PPP1R1C: variants seen among roughly 807,000 people sequenced by gnomAD.
The protein encoded by PPP1R1C is protein phosphatase 1 regulatory inhibitor subunit 1C.
A neutral mutation model predicts 17.4 loss-of-function variants in PPP1R1C; 15 were observed. The observed-to-expected ratio is 0.86, with a 90% CI of 0.58 to 1.33. PPP1R1C has a LOEUF of 1.33. Among genes scored for constraint, PPP1R1C ranks in the 40% most tolerant of loss-of-function variants. The pLI is 0.00. For synonymous variants in PPP1R1C, 35 were observed against 43.1 expected, an observed-to-expected ratio of 0.81 and a Z score of 0.73; for missense variants, 143 against 130.0, an observed-to-expected ratio of 1.10 and a Z score of -0.48.
chr2:182,018,797 C>T (rs775972362), intron 2 of PPP1R1C, among the ~76,000 whole-genome samples: 3 of 151,814 alleles, frequency 2.0e-5, no homozygotes, highest in Admixed American at 6.6e-5. Context: ...GGAAAGCAAT[C>T]GATTGAAAAA....
At position 182,082,395 on chromosome 2, in the gene PPP1R1C, G is replaced by A. The variant is rs568462655; in HGVS notation, c.241+18604G>A. 2.6e-5 allele frequency among the ~76,000 whole-genome samples: 4 copies of A among 152,210 alleles called. No homozygotes were observed. The East Asian group carries it at 7.7e-4, about 29-fold the overall frequency. ...TTTCAAATTATGTTTGACAAACATG[G>A]GACATCGTCTCTAAAGCATGTGTGC... On this transcript the variant is annotated intron_variant, in intron 4 of 4. Transcript: ENST00000682840.
At chr2:182,100,009 C>T (rs780519756) in intron 4 of PPP1R1C, among the ~76,000 whole-genome samples, 25 of 152,270 alleles carry the variant, frequency 1.6e-4, no homozygotes, top group South Asian at 6.2e-4. Flanking sequence ...CCCAAACTTT[C>T]TCTATTACCT....
intron 2 of PPP1R1C, among the ~76,000 whole-genome samples, chr2:181,998,836 C>A (rs1363862751): frequency 6.6e-6 from 1 of 152,180 alleles, no homozygotes; most frequent in Non-Finnish European, 1.5e-5. Flanking sequence ...GAATTTTAAG[C>A]ACTTCTCACC....
intron 2 of PPP1R1C, among the ~76,000 whole-genome samples, chr2:182,056,941 G>A (rs1183063327): frequency 6.6e-6 from 1 of 152,076 alleles, no homozygotes; most frequent in Non-Finnish European, 1.5e-5. Context: ...TTTGAACCTA[G>A]TACATTGATT....
At chr2:182,005,518 C>T (rs1018798374) in intron 2 of PPP1R1C, among the ~76,000 whole-genome samples, 11 of 152,254 alleles carry the variant, frequency 7.2e-5, no homozygotes, top group Admixed American at 2.6e-4. Context: ...GGAAAGTGAG[C>T]ATGTGTGACT....
chr2:182,036,285 T>C (rs915217401), intron 2 of PPP1R1C, among the ~76,000 whole-genome samples: 3 of 152,344 alleles, frequency 2.0e-5, no homozygotes, highest in Non-Finnish European at 2.9e-5. Flanking sequence ...TTGCTTCTTT[T>C]ATTGCCTGTA....
chr2:182,014,170 G>A (rs544753867), intron 2 of PPP1R1C, among the ~76,000 whole-genome samples: 5 of 152,260 alleles, frequency 3.3e-5, no homozygotes, highest in African/African-American at 1.2e-4. Flanking sequence ...GTTTGTACCT[G>A]TTCTTCTTGA....
intron 1 of PPP1R1C, among the ~76,000 whole-genome samples, chr2:181,969,643 T>G (rs1224919827): frequency 6.6e-6 from 1 of 152,196 alleles, no homozygotes; most frequent in Non-Finnish European, 1.5e-5. Context: ...GGTATCTTGA[T>G]ATCTTTCTCC....
rs777685247 is a variant in PPP1R1C, at chr2:182,117,434, T to A, written c.*139T>A. 6.7e-6 allele frequency: 4 copies of A among 599,390 alleles called. No individual in the cohort carries two copies. Among genetic ancestry groups the A allele is most frequent in the South Asian group, 4.9e-5 (2 of 40,788 alleles). 37.1% of individuals were successfully genotyped at this position (599,390 alleles called of 1,614,324 possible). ...CACACTCATACAGTAGCTATGCACA[T>A]CCTGGAAGTCTCCTTGACTGAACTT... On this transcript the variant is annotated 3_prime_UTR_variant, in exon 5 of 5. Transcript: ENST00000682840.
rs1224527313 is a variant in PPP1R1C at position 181,962,666 on chromosome 2, T to C, written n.111+8032T>C. On this transcript the variant is annotated intron_variant and non_coding_transcript_variant, in intron 1 of 5. Coordinates refer to the PPP1R1C transcript ENST00000464264. The surrounding 1 kb of genome is among the most constrained non-coding windows in gnomAD (Gnocchi z 6.0). ...TTTGAATAATCTGGGTCCCACCCTC[T>C]AGCCTCAATAAGCAGCTGTTGACCC... 6.6e-6 allele frequency among the ~76,000 whole-genome samples: 1 copy of C among 152,244 alleles called. No individual in the cohort carries two copies. Among genetic ancestry groups the C allele is most frequent in the Admixed American group, 6.5e-5 (1 of 15,286 alleles).
chr2:181,980,567 C>G (rs1408134336), intron 2 of PPP1R1C, among the ~76,000 whole-genome samples: 2 of 152,180 alleles, frequency 1.3e-5, no homozygotes, highest in Non-Finnish European at 2.9e-5. Context: ...CCTACAGTGC[C>G]TCGGCTCTAC....
intron 2 of PPP1R1C, among the ~76,000 whole-genome samples, chr2:181,988,709 A>T (rs1246953660): frequency 6.6e-6 from 1 of 152,184 alleles, no homozygotes; most frequent in Non-Finnish European, 1.5e-5. Flanking sequence ...GAAACATAAT[A>T]TGTCTAATAA....
intron 5 of PPP1R1C, among the ~76,000 whole-genome samples, chr2:182,128,078 T>C (rs1689918079): frequency 6.6e-6 from 1 of 152,244 alleles, no homozygotes; most frequent in Non-Finnish European, 1.5e-5. Context: ...AAAATTCTAG[T>C]TCATTATTCA....
intron 1 of PPP1R1C, among the ~76,000 whole-genome samples, chr2:181,972,630 A>G (rs779351023): frequency 6.6e-6 from 1 of 152,144 alleles, no homozygotes; most frequent in Non-Finnish European, 1.5e-5. Context: ...CATAGGGTGG[A>G]AGGGTGCTCT....
At chr2:182,031,499 G>T (rs1229312020) in intron 2 of PPP1R1C, among the ~76,000 whole-genome samples, 2 of 152,138 alleles carry the variant, frequency 1.3e-5, no homozygotes, top group Non-Finnish European at 2.9e-5. Context: ...ATAGCCTGGA[G>T]AATTTGTATT....
intron 2 of PPP1R1C, among the ~76,000 whole-genome samples, chr2:181,993,158 G>A: frequency 6.6e-6 from 1 of 152,276 alleles, no homozygotes; most frequent in East Asian, 1.9e-4. Flanking sequence ...GGGGGCTCCA[G>A]AAATTTCTGG....
chr2:182,107,485 A>C (rs553457365), intron 4 of PPP1R1C, among the ~76,000 whole-genome samples: 1 of 152,340 alleles, frequency 6.6e-6, no homozygotes, highest in African/African-American at 2.4e-5. Context: ...TTTTAAAAAT[A>C]CAAAAACATT....
At chr2:182,009,120 G>T (rs1026378260) in intron 2 of PPP1R1C, among the ~76,000 whole-genome samples, 9 of 152,052 alleles carry the variant, frequency 5.9e-5, no homozygotes, top group Non-Finnish European at 8.8e-5. Context: ...TCAATACACT[G>T]ATTTCTTTTC....
chr2:182,031,109 G>C (rs755941095), intron 2 of PPP1R1C: 1 of 155,512 alleles, frequency 6.4e-6, no homozygotes. Context: ...TGCGCCCACT[G>C]TCTGGCACTC....
Sources: allele counts gnomAD v4.1 joint callset (sites outside exome capture counted in the v4.1 genomes callset), GRCh38; gene constraint gnomAD v4.1.1; non-coding constraint Gnocchi (gnomAD v3.1); transcripts MANE v1.5; gene names NCBI Gene and HGNC (gene_info 2026-07-23, HGNC 2026-07-21).